MARCHF8: variants seen among roughly 807,000 people sequenced by gnomAD.
MARCHF8 encodes E3 ubiquitin-protein ligase MARCHF8.
A neutral mutation model predicts 51.6 loss-of-function variants in MARCHF8; 40 were observed. That is an observed-to-expected ratio of 0.77 (90% CI 0.60 to 1.01). The LOEUF (loss-of-function observed/expected upper bound fraction) is 1.01. Ranked by LOEUF, MARCHF8 falls within the 50% of genes least tolerant of loss-of-function variation. The pLI is 0.00. For synonymous variants in MARCHF8, 263 were observed against 280.3 expected (o/e 0.94, Z 0.62); for missense variants, 685 against 708.6 (o/e 0.97, Z 0.38).
intron 1 of MARCHF8, among the ~76,000 whole-genome samples, chr10:45,556,295 C>A (rs767108786): frequency 2.6e-5 from 4 of 152,126 alleles, no homozygotes; most frequent in Non-Finnish European, 5.9e-5. Flanking sequence ...ACACACAAAA[C>A]TGTGAAATAA....
chr10:45,462,602 G>A (rs897164140), intron 5 of MARCHF8, among the ~76,000 whole-genome samples: 2 of 151,706 alleles, frequency 1.3e-5, no homozygotes, highest in Non-Finnish European at 2.9e-5. Flanking sequence ...AATATGTGTA[G>A]CTTCTTCCTC....
chr10:45,542,072 G>A (rs111325353), intron 1 of MARCHF8, among the ~76,000 whole-genome samples: 2,085 of 152,186 alleles, frequency 0.014, 54 homozygotes, highest in African/African-American at 0.047. Flanking sequence ...TAGGCCGGGC[G>A]CAGTGGCTCA....
At chr10:45,543,956 T>A (rs1049379846) in intron 1 of MARCHF8, among the ~76,000 whole-genome samples, 4 of 152,018 alleles carry the variant, frequency 2.6e-5, no homozygotes. Context: ...TAGTCCTAGC[T>A]ATTCGGGAAG....
intron 1 of MARCHF8, among the ~76,000 whole-genome samples, chr10:45,546,311 C>T (rs560151133): frequency 3.7e-4 from 57 of 152,166 alleles, no homozygotes; most frequent in African/African-American, 9.4e-4. Flanking sequence ...CAGGTGCACG[C>T]CACCACTCCT....
intron 3 of MARCHF8, among the ~76,000 whole-genome samples, chr10:45,483,650 T>C (rs2042928718): frequency 6.6e-6 from 1 of 152,220 alleles, no homozygotes; most frequent in African/African-American, 2.4e-5. Context: ...GCAAAAGATA[T>C]GGAATCAGCC....
At chr10:45,539,817 C>T (rs1293857847), upstream of MARCHF8, among the ~76,000 whole-genome samples, 1 of 152,166 alleles carries the variant, frequency 6.6e-6, no homozygotes, top group East Asian at 1.9e-4. Flanking sequence ...CGTCTCAGCC[C>T]AAAATCTCCT....
Position 45,464,275 on chromosome 10 carries a change from C to A in MARCHF8, c.206G>T (p.Arg69Leu), listed in dbSNP as rs139808124. ...CTGGCTGGATGGCGTGATAGAAGTGCGAGAGAAGGAGGACACCGGAGCCGG... is the reference window on the plus strand; with the variant it reads ...CTGGCTGGATGGCGTGATAGAAGTGAGAGAGAAGGAGGACACCGGAGCCGG... Reference protein sequence around the residue: ...SAPAPVSSFSRTSITPSSQDI... With the variant: ...SAPAPVSSFSLTSITPSSQDI... Residue 69 changes from arginine to leucine, a missense_variant, in exon 4 of 8, where the codon CGC (arginine) becomes CTC (leucine). Physicochemically the swap from Arg to Leu is moderately radical, Grantham distance 102. Coordinates refer to ENST00000453424, the MANE Select transcript of MARCHF8 (RefSeq NM_001282866.2). 16 of 1,613,986 alleles carry A rather than the reference C, an allele frequency of 9.9e-6. No homozygotes were observed. The highest frequency in any genetic ancestry group is 2.2e-5 in the South Asian group (2 of 91,084).
At chr10:45,516,760 T>C (rs1439947638) in intron 2 of MARCHF8, among the ~76,000 whole-genome samples, 14 of 151,200 alleles carry the variant, frequency 9.3e-5, no homozygotes, top group African/African-American at 2.9e-4. Context: ...CAAGACTTTG[T>C]CTCAAAAAAA....
intron 1 of MARCHF8, among the ~76,000 whole-genome samples, chr10:45,586,410 T>C (rs897692818): frequency 2.0e-5 from 3 of 152,152 alleles, no homozygotes; most frequent in Admixed American, 6.5e-5. Flanking sequence ...TAATATCCCA[T>C]TGCAGACTTG....
chr10:45,565,942 C>A (rs1045313153), intron 1 of MARCHF8, among the ~76,000 whole-genome samples: 1 of 152,218 alleles, frequency 6.6e-6, no homozygotes, highest in African/African-American at 2.4e-5. Context: ...GCCAACAGCA[C>A]TACAATTCTT....
intron 3 of MARCHF8, among the ~76,000 whole-genome samples, chr10:45,466,702 T>A (rs1842980629): frequency 6.6e-6 from 1 of 151,986 alleles, no homozygotes; most frequent in Non-Finnish European, 1.5e-5. Context: ...TGGGAGGAGG[T>A]AAGGTCTTAT....
chr10:45,517,364 C>T (rs994877496), intron 2 of MARCHF8, among the ~76,000 whole-genome samples: 1 of 152,118 alleles, frequency 6.6e-6, no homozygotes, highest in African/African-American at 2.4e-5. Context: ...AATTTAATTG[C>T]CAATGTTGGA....
chr10:45,501,598 T>C (rs569918479), intron 2 of MARCHF8, among the ~76,000 whole-genome samples: 1 of 152,236 alleles, frequency 6.6e-6, no homozygotes, highest in African/African-American at 2.4e-5. Flanking sequence ...AGAGTTCCTA[T>C]ACTACACACC....
intron 1 of MARCHF8, among the ~76,000 whole-genome samples, chr10:45,565,335 A>C (rs1477780700): frequency 1.3e-5 from 2 of 152,054 alleles, no homozygotes; most frequent in Non-Finnish European, 2.9e-5. Flanking sequence ...GGAAACTGAG[A>C]TAGGAGGATC....
rs550498681 is a variant in MARCHF8, at chr10:45,591,238, G to T, written c.-79+2997C>A. Among the ~76,000 whole-genome samples, 3 of 152,332 alleles carry T rather than the reference G, an allele frequency of 2.0e-5. No homozygotes were observed. The South Asian group carries it at 6.2e-4, about 32-fold the overall frequency. On this transcript the variant is annotated intron_variant, in intron 1 of 6. Coordinates refer to the MARCHF8 transcript ENST00000319836. ...CTGCTCCCACAAAGCCTGTTTGGTG[G>T]TCTCTTCACATGGACGCCTGAGACA...
intron 1 of MARCHF8, among the ~76,000 whole-genome samples, chr10:45,534,956 G>A (rs1351915842): frequency 6.6e-6 from 1 of 152,112 alleles, no homozygotes; most frequent in African/African-American, 2.4e-5. Flanking sequence ...AACTGGGAGG[G>A]ATCAACACAT....
intron 3 of MARCHF8, among the ~76,000 whole-genome samples, chr10:45,467,230 A>G (rs902549135): frequency 9.9e-5 from 15 of 152,180 alleles, no homozygotes; most frequent in African/African-American, 3.6e-4. Flanking sequence ...AAGCCTCCCA[A>G]TGACAGAGAA....
intron 2 of MARCHF8, among the ~76,000 whole-genome samples, chr10:45,513,645 C>G (rs2133209912): frequency 6.6e-6 from 1 of 152,144 alleles, no homozygotes; most frequent in South Asian, 2.1e-4. Context: ...CCCCACAGCT[C>G]AAGAACATCT....
In MARCHF8 at chr10:45,574,968, CA is replaced by C. The variant is rs34058982; in HGVS notation, c.-79+19266del. On this transcript the variant is annotated intron_variant, in intron 1 of 6. Coordinates refer to the MARCHF8 transcript ENST00000319836. ...CTGCACCACCATGCTGTTATATAGGCAAAAAAAAAAAAAAATTCCTCACTAT... is the reference window on the plus strand; with the variant it reads ...CTGCACCACCATGCTGTTATATAGGCAAAAAAAAAAAAAATTCCTCACTAT... Among the ~76,000 whole-genome samples the C allele has an allele frequency of 6.8e-3, 922 of 136,202 alleles. 12 individuals are homozygous for C. The highest frequency in any genetic ancestry group is 0.059 in the East Asian group (271 of 4,630). 89.4% of individuals were successfully genotyped at this position (136,202 alleles called of 152,430 possible). A position where few individuals can be genotyped will look rare whatever the true frequency, so the allele number is the denominator to read the frequency against.
Sources: allele counts gnomAD v4.1 joint callset (sites outside exome capture counted in the v4.1 genomes callset), GRCh38; gene constraint gnomAD v4.1.1; transcripts MANE v1.5; gene names NCBI Gene and HGNC (gene_info 2026-07-23, HGNC 2026-07-21).